ACBD6: variants seen among roughly 807,000 people sequenced by gnomAD.
The protein encoded by ACBD6 is acyl-CoA binding domain containing 6, also known as acyl-CoA-binding domain-containing protein 6.
In ACBD6, 28 loss-of-function variants were observed where a neutral mutation model predicts 37.2. The observed-to-expected ratio is 0.75, with a 90% CI of 0.56 to 1.03. The LOEUF is 1.03. Among genes scored for constraint, ACBD6 ranks in the 50% least tolerant of loss-of-function variants. ACBD6 has a pLI of 0.00. For synonymous variants in ACBD6, 113 were observed against 126.8 expected, an observed-to-expected ratio of 0.89 and a Z score of 0.73; for missense variants, 340 against 337.4, an observed-to-expected ratio of 1.01 and a Z score of -0.06.
At chr1:180,457,319 A>G (rs148594567) in intron 3 of ACBD6, among the ~76,000 whole-genome samples, 1 of 152,328 alleles carries the variant, frequency 6.6e-6, no homozygotes, top group East Asian at 1.9e-4. Context: ...TAATTTCTAC[A>G]TATGGTAAAT....
At chr1:180,392,113 C>G (rs1481670884) in intron 6 of ACBD6, among the ~76,000 whole-genome samples, 1 of 152,038 alleles carries the variant, frequency 6.6e-6, no homozygotes, top group Non-Finnish European at 1.5e-5. Context: ...TCAGGGGTCA[C>G]AGAAGTTCAG....
At chr1:180,291,170 C>G (rs1435618495) in intron 7 of ACBD6, among the ~76,000 whole-genome samples, 1 of 152,140 alleles carries the variant, frequency 6.6e-6, no homozygotes, top group Non-Finnish European at 1.5e-5. Flanking sequence ...GCATTATGAA[C>G]AGGGATCTTA....
At chr1:180,378,540 T>C (rs1454600611) in intron 6 of ACBD6, among the ~76,000 whole-genome samples, 2 of 152,252 alleles carry the variant, frequency 1.3e-5, no homozygotes, top group Non-Finnish European at 1.5e-5. Flanking sequence ...ATGAGTAGTA[T>C]ACAGGAACTC....
At chr1:180,343,906 A>G (rs1652076934) in intron 6 of ACBD6, among the ~76,000 whole-genome samples, 1 of 152,154 alleles carries the variant, frequency 6.6e-6, no homozygotes, top group Non-Finnish European at 1.5e-5. Context: ...CTATCTCAAA[A>G]GAAAATAAAC....
intron 10 of ACBD6, chr1:180,274,642 G>GA (rs1468565202): frequency 1.3e-6 from 2 of 1,484,448 alleles, no homozygotes; most frequent in Non-Finnish European, 1.8e-6. Flanking sequence ...AGGATCAAAA[G>GA]AGACTTGCCT....
At chr1:180,404,313 A>C (rs571341543) in intron 5 of ACBD6, among the ~76,000 whole-genome samples, 1 of 151,992 alleles carries the variant, frequency 6.6e-6, no homozygotes, top group African/African-American at 2.4e-5. Flanking sequence ...ACACATGTGA[A>C]TGTATTGTTT....
At chr1:180,435,612 A>T in intron 3 of ACBD6, 1 of 1,080,164 alleles carries the variant, frequency 9.3e-7, no homozygotes, top group Non-Finnish European at 1.4e-6. Flanking sequence ...GTTGGCTACA[A>T]GACTTATGAA....
chr1:180,385,859 A>G (rs1653828033), intron 6 of ACBD6, among the ~76,000 whole-genome samples: 1 of 152,188 alleles, frequency 6.6e-6, no homozygotes, highest in African/African-American at 2.4e-5. Flanking sequence ...TAACACATAC[A>G]CATAGGGTAC....
chr1:180,300,532 T>C (rs1420870121), intron 7 of ACBD6, among the ~76,000 whole-genome samples: 2 of 152,212 alleles, frequency 1.3e-5, no homozygotes, highest in Non-Finnish European at 2.9e-5. Context: ...GTAATTTTTA[T>C]TAAATATTCC....
intron 7 of ACBD6, among the ~76,000 whole-genome samples, chr1:180,296,120 A>G (rs1649907896): frequency 6.6e-6 from 1 of 152,184 alleles, no homozygotes. Context: ...CTTATTGCTG[A>G]TTTAGAAAAA....
chr1:180,318,291 C>G (rs145504688), intron 6 of ACBD6, among the ~76,000 whole-genome samples: 59 of 151,926 alleles, frequency 3.9e-4, no homozygotes, highest in African/African-American at 1.4e-3. Flanking sequence ...AAACCTTGCT[C>G]TTTTCTCATG....
At chr1:180,491,595 T>C (rs1478780053) in intron 3 of ACBD6, among the ~76,000 whole-genome samples, 4 of 152,216 alleles carry the variant, frequency 2.6e-5, no homozygotes, top group African/African-American at 9.6e-5. Context: ...TCATGTCTTA[T>C]TCATCTTTTA....
At chr1:180,396,223 G>T (rs1654254994) in intron 6 of ACBD6, among the ~76,000 whole-genome samples, 1 of 152,106 alleles carries the variant, frequency 6.6e-6, no homozygotes, top group South Asian at 2.1e-4. Flanking sequence ...ATGGGTGCTG[G>T]TGATGGGCAC....
At chr1:180,350,000 T>TA (rs1652345074) in intron 6 of ACBD6, among the ~76,000 whole-genome samples, 1 of 149,516 alleles carries the variant, frequency 6.7e-6, no homozygotes, top group Non-Finnish European at 1.5e-5. Context: ...CAACTAAAGG[T>TA]GTTTCAGTCC....
At chr1:180,390,009 A>C (rs1006557310) in intron 6 of ACBD6, among the ~76,000 whole-genome samples, 3 of 151,694 alleles carry the variant, frequency 2.0e-5, no homozygotes, top group African/African-American at 4.8e-5. Context: ...TAGTTTAATT[A>C]GATCCTATTT....
intron 3 of ACBD6, among the ~76,000 whole-genome samples, chr1:180,486,648 G>A (rs1248019058): frequency 6.6e-6 from 1 of 152,186 alleles, no homozygotes; most frequent in East Asian, 1.9e-4. Flanking sequence ...ATTAAAACTA[G>A]TGGGTGAAAT....
intron 2 of ACBD6, among the ~76,000 whole-genome samples, chr1:180,494,802 A>G (rs1192414564): frequency 1.3e-5 from 2 of 152,170 alleles, no homozygotes; most frequent in East Asian, 3.8e-4. Flanking sequence ...CTCTTCTTTC[A>G]CTTAGACAAG....
chr1:180,304,324 T>C (rs1415144500), intron 7 of ACBD6, among the ~76,000 whole-genome samples: 2 of 150,938 alleles, frequency 1.3e-5, no homozygotes, highest in Middle Eastern at 3.4e-3. Flanking sequence ...ATTGTCCCTG[T>C]TTGCAGATGA....
chr1:180,338,535 G>A (rs1651839291), intron 6 of ACBD6, among the ~76,000 whole-genome samples: 1 of 152,126 alleles, frequency 6.6e-6, no homozygotes, highest in Non-Finnish European at 1.5e-5. Context: ...ATTCAAGATG[G>A]ATTAAAGACT....
Sources: gnomAD v4.1 joint callset for allele counts (sites outside exome capture counted in the v4.1 genomes callset) on GRCh38, gnomAD v4.1.1 for gene constraint, MANE v1.5 for transcripts, NCBI Gene and HGNC (gene_info 2026-07-23, HGNC 2026-07-21) for gene names.